Variants in ZSCAN18 observed in about 807,000 individuals in gnomAD.
The protein encoded by ZSCAN18 is zinc finger and SCAN domain containing 18, also known as zinc finger and SCAN domain-containing protein 18.
A neutral mutation model predicts 31.1 loss-of-function variants in ZSCAN18; 16 were observed. The observed-to-expected ratio is 0.51, with a 90% CI of 0.35 to 0.78. The LOEUF is 0.78. Ranked by LOEUF, ZSCAN18 falls within the 30% of genes least tolerant of loss-of-function variation. The probability of loss-of-function intolerance (pLI) is 0.01; values close to 1 mark genes in which losing one functional copy is unlikely to be tolerated. For synonymous variants in ZSCAN18, 375 were observed against 320.7 expected (o/e 1.17, Z -1.81); for missense variants, 731 against 697.4 (o/e 1.05, Z -0.54).
chr19:58,106,763 TTTTTTG>T (rs1428447075), intron 1 of ZSCAN18, among the ~76,000 whole-genome samples: 182 of 13,112 alleles, frequency 0.014, no homozygotes, highest in Middle Eastern at 0.1. Flanking sequence ...TTTTTTTTGT[TTTTTTG>T]TTTTTTTTTG....
Position 58,085,147 on chromosome 19 carries a change from C to T in ZSCAN18, c.1071G>A (p.Gln357=). The change falls in exon 7 of 7, where the codon CAG becomes CAA. Residue 357 remains glutamine (Q), a synonymous_variant. Coordinates refer to ENST00000601144, the MANE Select transcript of ZSCAN18 (RefSeq NM_001145543.2). The part of the protein sequence containing the change: ...TGSQRQSVIQ[Q]PAPDRGTAKL... ...TCGCCGTGCCCCTGTCCGGGGCAGG[C>T]TGCTGGATGACGGACTGCCTCTGCG... The T allele has an allele frequency of 6.2e-7, 1 of 1,610,624 alleles. No homozygotes were observed. Among genetic ancestry groups the T allele is most frequent in the South Asian group, 1.1e-5 (1 of 90,882 alleles).
chr19:58,098,407 A>C, upstream of ZSCAN18: 2 of 984,056 alleles, frequency 2.0e-6, no homozygotes, highest in Non-Finnish European at 2.4e-6. Flanking sequence ...CGCCTGCGTC[A>C]TTTTGGGCAC....
At chr19:58,098,472 C>CCGGAGAAACAAAGACGGTGAGAAA (rs990730950), upstream of ZSCAN18, 5 of 718,216 alleles carry the variant, frequency 7.0e-6, no homozygotes, top group African/African-American at 9.7e-5. Context: ...AGCCAGAGAC[C>CCGGAGAAACAAAGACGGTGAGAAA]CGGAGAAACA....
chr19:58,111,710 T>G (rs999885623), intron 1 of ZSCAN18, among the ~76,000 whole-genome samples: 6 of 152,102 alleles, frequency 3.9e-5, no homozygotes, highest in African/African-American at 1.4e-4. Context: ...CCTCTCAGAC[T>G]CTTCCAAAAC....
At chr19:58,092,771 CTTTTT>C (rs925285750) in intron 1 of ZSCAN18, 40 of 761,934 alleles carry the variant, frequency 5.2e-5, no homozygotes, top group Non-Finnish European at 6.1e-5. Flanking sequence ...GATACCTCTA[CTTTTT>C]TTTTTTTTTT....
chr19:58,116,973 C>T lies in ZSCAN18; in HGVS notation c.130+1294G>A, dbSNP rs11881163. ...CATGATCTTGGCTCACCGCAACTTC[C>T]GCCTCCCAGGTTCAAGCGATCCTCC... is the stretch of plus-strand genomic sequence containing the variant. On this transcript the variant is annotated intron_variant, in intron 1 of 1. Coordinates refer to the ZSCAN18 transcript ENST00000595721. 3.6e-3 allele frequency among the ~76,000 whole-genome samples: 552 copies of T among 152,264 alleles called. 6 individuals carry two copies. Among genetic ancestry groups the T allele is most frequent in the African/African-American group, 0.013 (523 of 41,550 alleles).
chr19:58,099,413 A>G (rs1430765994), upstream of ZSCAN18, among the ~76,000 whole-genome samples: 1 of 152,196 alleles, frequency 6.6e-6, no homozygotes, highest in African/African-American at 2.4e-5. Flanking sequence ...GAGGCATTGA[A>G]GTAGTATGTA....
chr19:58,085,091 T>G lies in ZSCAN18; in HGVS notation c.1127A>C (p.Asp376Ala). The G allele has an allele frequency of 6.2e-7, 1 of 1,605,390 alleles. No homozygotes were observed. Among genetic ancestry groups the G allele is most frequent in the African/African-American group, 1.3e-5 (1 of 74,808 alleles). The change falls in exon 7 of 7, where the codon GAT becomes GCT. Residue 376 changes from aspartate (D) to alanine (A), a missense_variant. By Grantham distance (126) the Asp-to-Ala change is moderately radical. Transcript: ENST00000601144. ...KLGTKRPHPE[D>A]GDGQSLEGVS... is the part of the protein sequence containing the mutation. The stretch of plus-strand genomic sequence containing the variant: ...GCCCTCGAGGCTCTGCCCGTCCCCA[T>G]CCTCGGGGTGCGGCCTCTTGGTTCC...
In ZSCAN18 at chr19:58,084,868, G is replaced by T; in HGVS notation, c.1350C>A (p.Phe450Leu). ...GCTCGGCTAGGGCCAGGCTGAAGTG[G>T]AAGGTCTTCCAGCAGCCCTGACAGG... ...RYACQGCWKT[F>L]HFSLALAEHQ... The change falls in exon 7 of 7, where the codon TTC (phenylalanine) becomes TTA (leucine). Residue 450 changes from phenylalanine to leucine, a missense_variant. Physicochemically the swap from Phe to Leu is conservative, Grantham distance 22. Around this residue, in one of 4 missense-constraint regions of ZSCAN18, gnomAD observed 597 missense variants for 499.5 expected, o/e 1.20. Coordinates refer to ENST00000601144, the MANE Select transcript of ZSCAN18 (RefSeq NM_001145543.2). This position sits in a 1 kb window ranked among gnomAD's most constrained non-coding sequence, Gnocchi z 4.5. 1 of 1,600,472 alleles carries T rather than the reference G, an allele frequency of 6.2e-7. No individual in the cohort carries two copies. The highest frequency in any genetic ancestry group is 8.5e-7 in the Non-Finnish European group (1 of 1,175,154).
Position 58,084,993 on chromosome 19 carries a change from G to A in ZSCAN18, c.1225C>T (p.Arg409Cys), listed in dbSNP as rs1289497381. The A allele has an allele frequency of 1.9e-6, 3 of 1,595,740 alleles. No individual in the cohort carries two copies. The highest frequency in any genetic ancestry group is 2.7e-5 in the African/African-American group (2 of 74,614). ...GPGADEPGLS[R>C]GKPYACGECG... ...TCGCCGCAGGCATAGGGCTTCCCGC[G>A]GGACAAGCCCGGCTCGTCAGCCCCA... is the stretch of plus-strand genomic sequence containing the variant. The change falls in exon 7 of 7, where the codon CGC (arginine) becomes TGC (cysteine). Residue 409 changes from arginine (R) to cysteine (C), a missense_variant. This residue lies in a region of ZSCAN18 where 597 missense variants were observed against 499.5 expected (regional missense o/e 1.20). Coordinates refer to ENST00000601144, the MANE Select transcript of ZSCAN18 (RefSeq NM_001145543.2). This position sits in a 1 kb window ranked among gnomAD's most constrained non-coding sequence, Gnocchi z 4.5.
intron 1 of ZSCAN18, among the ~76,000 whole-genome samples, chr19:58,113,846 C>T (rs2074708168): frequency 6.6e-6 from 1 of 152,104 alleles, no homozygotes; most frequent in South Asian, 2.1e-4. Flanking sequence ...GGTGTGGTGG[C>T]ATGCGCCTGA....
At chr19:58,116,224 G>A in intron 1 of ZSCAN18, among the ~76,000 whole-genome samples, 1 of 144,616 alleles carries the variant, frequency 6.9e-6, no homozygotes, top group Non-Finnish European at 1.5e-5. Context: ...AAAACGGCCT[G>A]GGCACACTAG....
chr19:58,102,668 C>T (rs11084535), upstream of ZSCAN18, among the ~76,000 whole-genome samples: 85,222 of 151,692 alleles, frequency 0.56, 25,823 homozygotes, highest in Non-Finnish European at 0.68. Context: ...TGTACTGCAT[C>T]GGATATGTCA....
At chr19:58,108,829 C>T (rs141480908) in intron 1 of ZSCAN18, 7 of 923,476 alleles carry the variant, frequency 7.6e-6, no homozygotes, top group African/African-American at 4.3e-5. Context: ...TTACCACCTT[C>T]GTTACATTTT....
chr19:58,103,552 T>A (rs2074611159), intron 1 of ZSCAN18, among the ~76,000 whole-genome samples: 1 of 152,196 alleles, frequency 6.6e-6, no homozygotes, highest in Non-Finnish European at 1.5e-5. Context: ...CACGCCTATA[T>A]AAGACAATGA....
chr19:58,101,511 ATCT>A (rs142806369), upstream of ZSCAN18, among the ~76,000 whole-genome samples: 24 of 59,370 alleles, frequency 4.0e-4, no homozygotes, highest in African/African-American at 9.3e-4. Context: ...CATATACTTT[ATCT>A]TCTTCTTTTT....
chr19:58,088,614 C>T (rs565333882), intron 3 of ZSCAN18, 74 bp downstream of exon 3: 1 of 1,533,238 alleles, frequency 6.5e-7, no homozygotes, highest in South Asian at 1.2e-5. Flanking sequence ...CTTCTGCCCT[C>T]TCCCAACCAC....
At chr19:58,101,074 T>A (rs1310680772), upstream of ZSCAN18, among the ~76,000 whole-genome samples, 2 of 152,072 alleles carry the variant, frequency 1.3e-5, no homozygotes, top group Non-Finnish European at 2.9e-5. Context: ...AATACCACAT[T>A]GGGTTACCAC....
chr19:58,109,740 A>T (rs2074664454), intron 1 of ZSCAN18, among the ~76,000 whole-genome samples: 1 of 152,204 alleles, frequency 6.6e-6, no homozygotes, highest in Admixed American at 6.5e-5. Flanking sequence ...TTTAGCATGT[A>T]TACTTCCAGG....
Sources: gnomAD v4.1 joint callset for allele counts (sites outside exome capture counted in the v4.1 genomes callset) on GRCh38, gnomAD v4.1.1 for gene constraint, gnomAD v4.1.1 regional missense constraint, Gnocchi (gnomAD v3.1) non-coding constraint, MANE v1.5 for transcripts, NCBI Gene and HGNC (gene_info 2026-07-23, HGNC 2026-07-21) for gene names.